The following KCNN1 variants were observed in gnomAD, a reference collection of about 807,000 sequenced individuals.
KCNN1 encodes the protein potassium calcium-activated channel subfamily N member 1.
KCNN1 carries 20 observed loss-of-function variants against 44.7 expected under a neutral mutation model. The ratio of observed to expected loss-of-function variants is 0.45; its 90% confidence interval spans 0.32 to 0.65. The LOEUF is 0.65. KCNN1 is among the 30% of genes least tolerant of loss of function. The pLI is 0.05. For synonymous variants in KCNN1, 324 were observed against 341.7 expected (o/e 0.95, Z 0.57); for missense variants, 632 against 785.3 (o/e 0.80, Z 2.33).
chr19:17,977,891 A>G (rs1011273640), intron 3 of KCNN1, among the ~76,000 whole-genome samples: 1 of 152,094 alleles, frequency 6.6e-6, no homozygotes, highest in African/African-American at 2.4e-5. Context: ...AAAGGCCACA[A>G]ATTGCATGCT....
chr19:17,961,381 A>G (rs2031673447), intron 2 of KCNN1, among the ~76,000 whole-genome samples: 1 of 151,958 alleles, frequency 6.6e-6, no homozygotes, highest in Non-Finnish European at 1.5e-5. Flanking sequence ...ATATGAGAGC[A>G]GCCTGGGCAA....
chr19:17,993,547 C>T lies in KCNN1; in HGVS notation c.1365C>T (p.Thr455=), dbSNP rs371522632. Residue 455 remains threonine (T), a synonymous_variant, in exon 9 of 10, where the codon ACC becomes ACT. Coordinates refer to ENST00000684775, the MANE Select transcript of KCNN1 (RefSeq NM_001386974.1). The surrounding 1 kb of genome is among the most constrained non-coding windows in gnomAD (Gnocchi z 4.5). ...TGAACGACCAGGCTAACACGCTTAC[C>T]GACCTAGCCAAGGTGAGTGGGTTGG... ...GKLNDQANTL[T]DLAKTQTVMY... The T allele has an allele frequency of 1.9e-5, 31 of 1,613,648 alleles. No individual in the cohort carries two copies. The highest frequency in any genetic ancestry group is 6.7e-5 in the East Asian group (3 of 44,898).
At chr19:17,996,014 G>A (rs1346947491) in intron 9 of KCNN1, among the ~76,000 whole-genome samples, 2 of 151,928 alleles carry the variant, frequency 1.3e-5, no homozygotes, top group Admixed American at 6.6e-5. Flanking sequence ...TTACAGTAAG[G>A]TATGGTAGAG....
At chr19:17,962,993 G>T (rs1426598086), upstream of KCNN1, among the ~76,000 whole-genome samples, 1 of 121,408 alleles carries the variant, frequency 8.2e-6, no homozygotes, top group Non-Finnish European at 1.7e-5. Context: ...GAGCCACCAC[G>T]CCCAGGCTTT....
At chr19:17,952,825 C>T (rs763805792) in intron 1 of KCNN1, among the ~76,000 whole-genome samples, 11 of 152,144 alleles carry the variant, frequency 7.2e-5, no homozygotes, top group Admixed American at 6.5e-4. Flanking sequence ...CTGTTCTTTT[C>T]CCTAAGCTCC....
Position 17,998,348 on chromosome 19 carries a change from A to G in KCNN1, c.1574A>G (p.Gln525Arg). Reference protein sequence around the residue: ...PPRPGPGPQDQAARSSPCRWT... With the variant: ...PPRPGPGPQDRAARSSPCRWT... ...AGGCCCGGCCCCGGCCCCCAAGACCAGGCAGCCCGGAGCTCCCCCTGCCGG... is the reference window on the plus strand; with the variant it reads ...AGGCCCGGCCCCGGCCCCCAAGACCGGGCAGCCCGGAGCTCCCCCTGCCGG... The change falls in exon 10 of 10, where the codon CAG (glutamine) becomes CGG (arginine). Residue 525 changes from glutamine (Q) to arginine (R), a missense_variant. Around this residue, in one of 3 missense-constraint regions of KCNN1, gnomAD observed 237 missense variants for 253.0 expected, o/e 0.94. Transcript: ENST00000684775. This position sits in a 1 kb window ranked among gnomAD's most constrained non-coding sequence, Gnocchi z 5.4. 1 of 1,504,374 alleles carries G rather than the reference A, an allele frequency of 6.6e-7. No individual in the cohort carries two copies. The highest frequency in any genetic ancestry group is 8.8e-7 in the Non-Finnish European group (1 of 1,130,170). 93.2% of individuals were successfully genotyped at this position (1,504,374 alleles called of 1,614,324 possible). A position where few individuals can be genotyped will look rare whatever the true frequency, so the allele number is the denominator to read the frequency against.
Position 17,978,401 on chromosome 19 carries a change from A to G in KCNN1, c.498+3214A>G, listed in dbSNP as rs2032281679. Among the ~76,000 whole-genome samples the G allele has an allele frequency of 2.8e-5, 4 of 144,426 alleles. No homozygotes were observed. The Admixed American group carries it at 2.8e-4, about 10-fold the overall frequency. 94.7% of individuals were successfully genotyped at this position (144,426 alleles called of 152,430 possible). On this transcript the variant is annotated intron_variant, in intron 3 of 9. Coordinates refer to ENST00000684775, the MANE Select transcript of KCNN1 (RefSeq NM_001386974.1). The stretch of plus-strand genomic sequence containing the variant: ...CGGCCTTCCAAAGTGCTGGGATTAC[A>G]GGCATGAGCCACTGCCCAGCCTGTT...
At chr19:17,956,085 G>T (rs2031538340) in intron 2 of KCNN1, among the ~76,000 whole-genome samples, 2 of 152,204 alleles carry the variant, frequency 1.3e-5, no homozygotes, top group East Asian at 3.9e-4. Context: ...TTACAGGCAT[G>T]CGTCACCACG....
chr19:17,985,041 G>C (rs545763385), intron 4 of KCNN1, among the ~76,000 whole-genome samples: 2 of 151,914 alleles, frequency 1.3e-5, no homozygotes, highest in Non-Finnish European at 2.9e-5. Flanking sequence ...GTGTGTGTCT[G>C]TCGTTGGGAG....
intron 3 of KCNN1, among the ~76,000 whole-genome samples, chr19:17,975,494 C>T (rs1452805093): frequency 6.6e-6 from 1 of 150,600 alleles, no homozygotes; most frequent in Non-Finnish European, 1.5e-5. Context: ...GATATTGGCT[C>T]GCTGCAACCT....
At chr19:17,956,774 C>A (rs2031553061) in intron 2 of KCNN1, among the ~76,000 whole-genome samples, 1 of 151,716 alleles carries the variant, frequency 6.6e-6, no homozygotes, top group Admixed American at 6.6e-5. Flanking sequence ...AGAAAGGGGG[C>A]CAGGTGTGGT....
chr19:17,989,592 T>C (rs1011903726), intron 6 of KCNN1, 124 bp from the exon 7 acceptor site: 25 of 1,384,054 alleles, frequency 1.8e-5, no homozygotes, highest in South Asian at 9.6e-5. Context: ...CCCTGCCTTA[T>C]AGCCCAGGGA....
rs1481399396 is a variant in KCNN1, at chr19:17,983,754, C to T, written c.918-1558C>T. On this transcript the variant is annotated intron_variant, in intron 4 of 9. Coordinates refer to ENST00000684775, the MANE Select transcript of KCNN1 (RefSeq NM_001386974.1). The surrounding 1 kb of genome is among the most constrained non-coding windows in gnomAD (Gnocchi z 4.5). Reference sequence around the variant, plus strand: ...GTGGTCCCGCGGCACCCCCCACCATCGCTCCGTCTGGATCTGGGGCTCACC... The same window carrying T: ...GTGGTCCCGCGGCACCCCCCACCATTGCTCCGTCTGGATCTGGGGCTCACC... 1.3e-5 allele frequency among the ~76,000 whole-genome samples: 2 copies of T among 152,046 alleles called. No homozygotes were observed. The highest frequency in any genetic ancestry group is 2.4e-5 in the African/African-American group (1 of 41,402).
intron 4 of KCNN1, among the ~76,000 whole-genome samples, chr19:17,982,971 C>T (rs141066607): frequency 0.046 from 6,954 of 151,078 alleles, 176 homozygotes; most frequent in Middle Eastern, 0.058. Flanking sequence ...ACCTGGGACG[C>T]GGAGGTTGCA....
upstream of KCNN1, among the ~76,000 whole-genome samples, chr19:17,966,011 GCCTGCCTGCCTGCCTTCCTTCCTT>G (rs1268680171): frequency 2.7e-3 from 320 of 119,066 alleles, no homozygotes; most frequent in Admixed American, 6.1e-3. Flanking sequence ...CTGCCTGCCT[GCCTGCCTGCCTGCCTTCCTTCCTT>G]CCTTCCTTCC....
At position 17,981,820 on chromosome 19, in the gene KCNN1, C is replaced by T. The variant is rs1247657873; in HGVS notation, c.610C>T (p.His204Tyr). 1 of 1,613,226 alleles carries T rather than the reference C, an allele frequency of 6.2e-7. No homozygotes were observed. The highest frequency in any genetic ancestry group is 8.5e-7 in the Non-Finnish European group (1 of 1,179,518). ...AVCAIHPVPGHYRFTWTARLA... is the reference protein window; with the variant it reads ...AVCAIHPVPGYYRFTWTARLA... ...GTGCGCCATTCACCCGGTGCCCGGC[C>T]ACTACCGCTTCACGTGGACGGCGCG... The change falls in exon 4 of 10, where the codon CAC becomes TAC. Residue 204 changes from histidine (H) to tyrosine (Y), a missense_variant. Transcript: ENST00000684775.
Position 17,952,177 on chromosome 19 carries a change from C to A in KCNN1, c.-203+768C>A, listed in dbSNP as rs558041631. 2.4e-3 allele frequency: 366 copies of A among 152,138 alleles called. 1 individual carries two copies. Among genetic ancestry groups the A allele is most frequent in the African/African-American group, 8.4e-3 (350 of 41,536 alleles). 9.4% of individuals were successfully genotyped at this position (152,138 alleles called of 1,614,324 possible). On this transcript the variant is annotated intron_variant, in intron 1 of 10. Transcript: ENST00000222249. ...CCTCGGCCTGCGGGGTCCGCGCCCC[C>A]TCCCCGGGCGGCGGGGCGGGGCCCA...
chr19:17,953,227 G>T (rs1216119045), intron 1 of KCNN1, among the ~76,000 whole-genome samples: 1 of 152,188 alleles, frequency 6.6e-6, no homozygotes, highest in African/African-American at 2.4e-5. Context: ...GAAATCCCTG[G>T]GGGGAGGGGG....
At chr19:17,980,228 ATTT>A (rs34810089) in intron 3 of KCNN1, among the ~76,000 whole-genome samples, 67 of 44,510 alleles carry the variant, frequency 1.5e-3, no homozygotes, top group African/African-American at 2.4e-3. Flanking sequence ...CACCTAGCTA[ATTT>A]TTTTTTTTTT....
Sources: gnomAD v4.1 joint callset for allele counts (sites outside exome capture counted in the v4.1 genomes callset) on GRCh38, gnomAD v4.1.1 for gene constraint, gnomAD v4.1.1 regional missense constraint, Gnocchi (gnomAD v3.1) non-coding constraint, MANE v1.5 for transcripts, NCBI Gene and HGNC (gene_info 2026-07-23, HGNC 2026-07-21) for gene names.